NAV3: variants seen among roughly 807,000 people sequenced by gnomAD.
NAV3 encodes the protein neuron navigator 3.
NAV3 carries 87 observed loss-of-function variants against 244.7 expected under a neutral mutation model. The ratio of observed to expected loss-of-function variants is 0.36; its 90% CI spans 0.30 to 0.42. The LOEUF is 0.42. NAV3 is among the 20% of genes least tolerant of loss of function. The pLI is 1.00. For missense variants in NAV3, 2,663 were observed against 2,893.3 expected (o/e 0.92, Z 1.83); for synonymous variants, 1,126 against 1,042.2 (o/e 1.08, Z -1.55).
At chr12:77,938,412 A>T (rs779218001) in intron 1 of NAV3, among the ~76,000 whole-genome samples, 1 of 152,154 alleles carries the variant, frequency 6.6e-6, no homozygotes, top group Non-Finnish European at 1.5e-5. Flanking sequence ...TATCTTCAAC[A>T]TAGAGATCAT....
At chr12:78,087,614 G>A (rs1953705867) in intron 12 of NAV3, among the ~76,000 whole-genome samples, 1 of 152,004 alleles carries the variant, frequency 6.6e-6, no homozygotes, top group Non-Finnish European at 1.5e-5. Context: ...TGGTCAAGGA[G>A]ACAATTATAA....
chr12:78,000,498 CATT>C (rs1873062826), intron 7 of NAV3, among the ~76,000 whole-genome samples: 1 of 129,494 alleles, frequency 7.7e-6, no homozygotes, highest in Non-Finnish European at 1.6e-5. Context: ...ACACTTAAAA[CATT>C]TTTTTTTTTT....
At chr12:77,978,956 A>G (rs1248213002) in intron 5 of NAV3, among the ~76,000 whole-genome samples, 5 of 152,026 alleles carry the variant, frequency 3.3e-5, no homozygotes, top group Non-Finnish European at 5.9e-5. Flanking sequence ...AGTTTTCACT[A>G]GAAAACATAT....
intron 1 of NAV3, among the ~76,000 whole-genome samples, chr12:77,932,092 G>T (rs974782847): frequency 3.3e-5 from 5 of 152,036 alleles, no homozygotes; most frequent in Non-Finnish European, 5.9e-5. Flanking sequence ...CTGGAGTGAG[G>T]GTGGAGGATA....
chr12:77,959,824 C>T (rs1360092528), intron 3 of NAV3, among the ~76,000 whole-genome samples: 1 of 144,530 alleles, frequency 6.9e-6, no homozygotes, highest in African/African-American at 2.6e-5. Context: ...CCATTTCTCA[C>T]TCATTTGCCT....
At chr12:77,940,034 T>A (rs535888585) in intron 1 of NAV3, among the ~76,000 whole-genome samples, 12 of 152,318 alleles carry the variant, frequency 7.9e-5, no homozygotes, top group Admixed American at 5.9e-4. Context: ...CAAACTGATT[T>A]GCAATGGGAG....
At chr12:77,862,515 A>C (rs1436261429) in intron 1 of NAV3, among the ~76,000 whole-genome samples, 2 of 151,826 alleles carry the variant, frequency 1.3e-5, no homozygotes, top group African/African-American at 2.4e-5. Context: ...ATAATTTGAA[A>C]GTGTTTATTT....
rs1959722876 is a variant in NAV3 at position 78,201,705 on chromosome 12, T to C, written c.6834+1114T>C. Among the ~76,000 whole-genome samples the C allele has an allele frequency of 2.0e-5, 3 of 152,114 alleles. No individual in the cohort carries two copies. The South Asian group carries it at 6.2e-4, about 31-fold the overall frequency. On this transcript the variant is annotated intron_variant, in intron 38 of 39. Coordinates refer to ENST00000397909, the MANE Select transcript of NAV3 (RefSeq NM_001024383.2). ...CTGTGTAACATAATCACCCAATTTA[T>C]TGAGGAAGGATCTCATCTCCTTTTC...
rs1465470705 is a variant in NAV3, at chr12:77,866,121, A to C, written c.243+34417A>C. ...AAAAGCAGAAAATAACTTTACAAAAAGCAAAAATCCCAATCTACAACAGAA... is the reference window on the plus strand; with the variant it reads ...AAAAGCAGAAAATAACTTTACAAAACGCAAAAATCCCAATCTACAACAGAA... On this transcript the variant is annotated intron_variant, in intron 1 of 39. Coordinates refer to ENST00000397909, the MANE Select transcript of NAV3 (RefSeq NM_001024383.2). Among the ~76,000 whole-genome samples, 9 of 152,200 alleles carry C rather than the reference A, an allele frequency of 5.9e-5. 1 individual carries two copies. The highest frequency in any genetic ancestry group is 1.3e-4 in the Non-Finnish European group (9 of 68,036).
At chr12:77,926,280 T>G (rs1266729212) in intron 1 of NAV3, among the ~76,000 whole-genome samples, 3 of 152,174 alleles carry the variant, frequency 2.0e-5, no homozygotes, top group African/African-American at 7.2e-5. Flanking sequence ...GGTAGATATC[T>G]ATCTTTGTCA....
At chr12:77,925,363 C>T (rs1324216277) in intron 1 of NAV3, among the ~76,000 whole-genome samples, 9 of 151,888 alleles carry the variant, frequency 5.9e-5, no homozygotes, top group Non-Finnish European at 1.2e-4. Context: ...GTATATAAAC[C>T]GTATAAGTTC....
At chr12:77,792,416 G>T (rs1871220276) in intron 2 of NAV3, among the ~76,000 whole-genome samples, 1 of 152,164 alleles carries the variant, frequency 6.6e-6, no homozygotes, top group Non-Finnish European at 1.5e-5. Flanking sequence ...CTAAGGCATT[G>T]GATGTCAGTC....
intron 39 of NAV3, among the ~76,000 whole-genome samples, chr12:78,208,603 C>T (rs1960575847): frequency 6.6e-6 from 1 of 152,090 alleles, no homozygotes; most frequent in South Asian, 2.1e-4. Context: ...CCCACGTATA[C>T]ATTTATTATG....
intron 2 of NAV3, 120 bp downstream of exon 2, chr12:77,940,556 C>T: frequency 1.4e-6 from 1 of 726,178 alleles, no homozygotes; most frequent in South Asian, 1.9e-5. Context: ...TCATGTAGCT[C>T]TCCCCTGATT....
At chr12:77,988,235 A>T (rs1870868112) in intron 5 of NAV3, among the ~76,000 whole-genome samples, 1 of 152,204 alleles carries the variant, frequency 6.6e-6, no homozygotes, top group Admixed American at 6.5e-5. Context: ...ATTTCTAACA[A>T]GCCCCAGGTG....
At chr12:77,972,368 G>C (rs1893070517) in intron 5 of NAV3, among the ~76,000 whole-genome samples, 1 of 152,078 alleles carries the variant, frequency 6.6e-6, no homozygotes, top group African/African-American at 2.4e-5. Flanking sequence ...CTTATTTGGA[G>C]TGATAAAGAC....
intron 2 of NAV3, among the ~76,000 whole-genome samples, chr12:77,722,962 A>G (rs1876705212): frequency 6.6e-6 from 1 of 152,080 alleles, no homozygotes; most frequent in Non-Finnish European, 1.5e-5. Context: ...TTTACAGATT[A>G]TCATTCTGAA....
Position 77,831,545 on chromosome 12 carries a change from T to C in NAV3, c.84T>C (p.Asn28=). 3 of 1,614,122 alleles carry C rather than the reference T, an allele frequency of 1.9e-6. No homozygotes were observed. Among genetic ancestry groups the C allele is most frequent in the Non-Finnish European group, 2.5e-6 (3 of 1,180,006 alleles). Residue 28 remains asparagine, a synonymous_variant, in exon 1 of 40, where the codon AAT becomes AAC. Coordinates refer to ENST00000397909, the MANE Select transcript of NAV3 (RefSeq NM_001024383.2). ...TGCATACTGCTCTTCCGATACCAAATCTTGGCACTACTGGGTCACAGCACT... is the reference window on the plus strand; with the variant it reads ...TGCATACTGCTCTTCCGATACCAAACCTTGGCACTACTGGGTCACAGCACT... The part of the protein sequence containing the change: ...KPVHTALPIP[N]LGTTGSQHCS...
At chr12:77,823,086 C>T (rs1327897837) in intron 2 of NAV3, among the ~76,000 whole-genome samples, 1 of 152,100 alleles carries the variant, frequency 6.6e-6, no homozygotes, top group African/African-American at 2.4e-5. Context: ...AAGGGGAAAG[C>T]TTACAACTGT....
Sources: allele counts gnomAD v4.1 joint callset (sites outside exome capture counted in the v4.1 genomes callset), GRCh38; gene constraint gnomAD v4.1.1; transcripts MANE v1.5; gene names NCBI Gene and HGNC (gene_info 2026-07-23, HGNC 2026-07-21).